The following ADAMTS17 variants were observed in gnomAD, a reference collection of about 807,000 sequenced individuals.
The protein encoded by ADAMTS17 is ADAM metallopeptidase with thrombospondin type 1 motif 17.
In ADAMTS17, 113 loss-of-function variants were observed where a neutral mutation model predicts 141.5. The ratio of observed to expected loss-of-function variants is 0.80; its 90% CI spans 0.69 to 0.93. ADAMTS17 has a LOEUF of 0.93. ADAMTS17 is among the 40% of genes least tolerant of loss of function. The pLI is 0.00. For missense variants in ADAMTS17, 1,659 were observed against 1,517.9 expected (o/e 1.09, Z -1.54); for synonymous variants, 768 against 630.6 (o/e 1.22, Z -3.27).
intron 8 of ADAMTS17, among the ~76,000 whole-genome samples, chr15:100,178,624 G>GT (rs751072981): frequency 5.3e-5 from 8 of 151,890 alleles, no homozygotes; most frequent in East Asian, 1.9e-4. Context: ...CCATTCTGTT[G>GT]TTTTTTACTA....
At chr15:100,082,562 A>AT in intron 15 of ADAMTS17, among the ~76,000 whole-genome samples, 1 of 151,150 alleles carries the variant, frequency 6.6e-6, no homozygotes, top group Middle Eastern at 3.4e-3. Context: ...ATTTTTTTGT[A>AT]TTTTTTGTAG....
chr15:100,214,112 C>T (rs552497974), intron 7 of ADAMTS17, among the ~76,000 whole-genome samples: 188 of 152,242 alleles, frequency 1.2e-3, no homozygotes, highest in African/African-American at 4.5e-3. Flanking sequence ...AGTTATCTGG[C>T]GCCCTCCTGA....
At chr15:100,095,618 G>T (rs753016845) in intron 15 of ADAMTS17, among the ~76,000 whole-genome samples, 28 of 152,178 alleles carry the variant, frequency 1.8e-4, no homozygotes, top group Non-Finnish European at 3.5e-4. Context: ...CGCTAAGGCT[G>T]CCAGAGCTCC....
chr15:100,058,971 G>C (rs2032887747), intron 15 of ADAMTS17, among the ~76,000 whole-genome samples: 1 of 152,160 alleles, frequency 6.6e-6, no homozygotes, highest in Non-Finnish European at 1.5e-5. Flanking sequence ...AAATAGCCTA[G>C]AGTCATGGCG....
intron 12 of ADAMTS17, among the ~76,000 whole-genome samples, chr15:100,122,428 A>G (rs1596488753): frequency 6.6e-6 from 1 of 152,280 alleles, no homozygotes; most frequent in East Asian, 1.9e-4. Flanking sequence ...AGGACCCCAC[A>G]TGTGGTCCTT....
chr15:100,152,709 A>G lies in ADAMTS17; in HGVS notation c.1376T>C (p.Val459Ala), dbSNP rs1205273045. ...GCCCGGCAGCTTGTGCGGGAGGCGT[A>G]CTGTGTGCTGGCTTCTGGGGTCCGT... ...LVTDPRSQHT[V>A]RLPHKLPGMH... Residue 459 changes from valine (V) to alanine (A), a missense_variant, in exon 10 of 22, where the codon GTA becomes GCA. Val to Ala is a moderately conservative substitution (Grantham distance 64). Coordinates refer to ENST00000268070, the MANE Select transcript of ADAMTS17 (RefSeq NM_139057.4). The G allele has an allele frequency of 1.8e-5, 29 of 1,614,078 alleles. No individual in the cohort carries two copies. Among genetic ancestry groups the G allele is most frequent in the Non-Finnish European group, 2.3e-5 (27 of 1,180,040 alleles).
At chr15:100,259,404 G>A (rs1445191757) in intron 6 of ADAMTS17, among the ~76,000 whole-genome samples, 1 of 152,206 alleles carries the variant, frequency 6.6e-6, no homozygotes, top group Admixed American at 6.5e-5. Flanking sequence ...ATTGCAAAGT[G>A]CCTTGAGCAA....
intron 3 of ADAMTS17, among the ~76,000 whole-genome samples, chr15:100,285,306 C>A (rs1327644417): frequency 1.3e-5 from 2 of 152,206 alleles, no homozygotes; most frequent in South Asian, 2.1e-4. Context: ...TTGGGGACTG[C>A]CAAAAATGTT....
chr15:100,214,871 G>C lies in ADAMTS17; in HGVS notation c.1076-15448C>G, dbSNP rs373528950. Among the ~76,000 whole-genome samples, 30 of 152,368 alleles carry C rather than the reference G, an allele frequency of 2.0e-4. 1 individual carries two copies. The East Asian group carries it at 5.0e-3, about 25-fold the overall frequency. ...ATCACTATGAGCACAACGACACCAT[G>C]AAAGAGTAAAGCTTTGCTGTTGCAC... On this transcript the variant is annotated intron_variant, in intron 7 of 21. Coordinates refer to ENST00000268070, the MANE Select transcript of ADAMTS17 (RefSeq NM_139057.4).
chr15:100,016,665 C>T (rs536547599), intron 18 of ADAMTS17, among the ~76,000 whole-genome samples: 6 of 152,292 alleles, frequency 3.9e-5, no homozygotes, highest in East Asian at 1.9e-4. Context: ...CAAGTCTACC[C>T]GGCTCCAGGA....
chr15:100,179,161 G>A (rs545227180), intron 8 of ADAMTS17, among the ~76,000 whole-genome samples: 1 of 152,158 alleles, frequency 6.6e-6, no homozygotes, highest in East Asian at 1.9e-4. Flanking sequence ...CCAAATACTA[G>A]GTCTTATTCA....
At chr15:100,112,488 G>C (rs542078223) in intron 13 of ADAMTS17, among the ~76,000 whole-genome samples, 1 of 152,182 alleles carries the variant, frequency 6.6e-6, no homozygotes, top group Non-Finnish European at 1.5e-5. Flanking sequence ...GTGAGGAGGA[G>C]GCTCAGAATC....
At position 100,132,116 on chromosome 15, in the gene ADAMTS17, T is replaced by C. The variant is rs746134253; in HGVS notation, c.1612A>G (p.Ile538Val). The C allele has an allele frequency of 2.5e-6, 4 of 1,614,088 alleles. No individual in the cohort carries two copies. The highest frequency in any genetic ancestry group is 3.4e-6 in the Non-Finnish European group (4 of 1,180,010). Residue 538 changes from isoleucine (I) to valine (V), a missense_variant, in exon 12 of 22, where the codon ATC (isoleucine) becomes GTC (valine). Physicochemically the swap from Ile to Val is conservative, Grantham distance 29. Coordinates refer to ENST00000268070, the MANE Select transcript of ADAMTS17 (RefSeq NM_139057.4). ...CAGTCTCCGTCCACATGCTCCGGGA[T>C]GGGCGTCTTGCTCACGCACTCCCCC... ...RAGECVSKTP[I>V]PEHVDGDWSP... is the part of the protein sequence containing the mutation.
chr15:100,257,575 C>T (rs11853819), intron 6 of ADAMTS17, among the ~76,000 whole-genome samples: 3,752 of 152,314 alleles, frequency 0.025, 163 homozygotes, highest in African/African-American at 0.086. Flanking sequence ...ACGCCAAATG[C>T]ATCCTTCATC....
At chr15:100,312,343 C>A (rs1024258164) in intron 3 of ADAMTS17, among the ~76,000 whole-genome samples, 14 of 152,086 alleles carry the variant, frequency 9.2e-5, no homozygotes, top group African/African-American at 2.7e-4. Flanking sequence ...AGGCCATGAG[C>A]CAAGGAATGC....
chr15:100,090,053 T>C (rs549337262), intron 15 of ADAMTS17, among the ~76,000 whole-genome samples: 2 of 151,484 alleles, frequency 1.3e-5, no homozygotes, highest in Non-Finnish European at 2.9e-5. Context: ...GTGTTTGCTC[T>C]AGGATTCCTT....
chr15:100,255,564 T>C (rs1321559784), intron 6 of ADAMTS17, among the ~76,000 whole-genome samples: 1 of 148,020 alleles, frequency 6.8e-6, no homozygotes, highest in African/African-American at 2.5e-5. Context: ...GCCCCATACC[T>C]ACCTAGCCCC....
At chr15:100,063,859 G>A (rs2033313817) in intron 15 of ADAMTS17, 2 of 797,302 alleles carry the variant, frequency 2.5e-6, no homozygotes, top group Non-Finnish European at 3.7e-6. Flanking sequence ...GCCCCCCACA[G>A]TGGCTTCAGA....
At position 100,010,943 on chromosome 15, in the gene ADAMTS17, A is replaced by G. The variant is rs189337833; in HGVS notation, c.2592-13354T>C. Among the ~76,000 whole-genome samples, 623 of 152,188 alleles carry G rather than the reference A, an allele frequency of 4.1e-3. 14 individuals carry two copies. Among genetic ancestry groups the G allele is most frequent in the Non-Finnish European group, 2.1e-3 (145 of 68,028 alleles). On this transcript the variant is annotated intron_variant, in intron 18 of 21. Transcript: ENST00000268070. ...ATTATTCCCATATTTGCTTTTTGAA[A>G]GAGGAAATGAAAATCTACAGCACAC...
Sources: gnomAD v4.1 joint callset for allele counts (sites outside exome capture counted in the v4.1 genomes callset) on GRCh38, gnomAD v4.1.1 for gene constraint, MANE v1.5 for transcripts, NCBI Gene and HGNC (gene_info 2026-07-23, HGNC 2026-07-21) for gene names.